EPHA6: variants seen among roughly 807,000 people sequenced by gnomAD.
EPHA6 encodes the protein EPH receptor A6.
A neutral mutation model predicts 112.0 loss-of-function variants in EPHA6; 50 were observed. The observed-to-expected ratio is 0.45, with a 90% CI of 0.36 to 0.56. The LOEUF is 0.56. Ranked by LOEUF, EPHA6 falls within the 20% of genes least tolerant of loss-of-function variation. The pLI is 0.00. For synonymous variants in EPHA6, 529 were observed against 490.7 expected (o/e 1.08, Z -1.03); for missense variants, 1,280 against 1,417.4 (o/e 0.90, Z 1.56).
chr3:97,287,234 T>G (rs1421667310), intron 5 of EPHA6, among the ~76,000 whole-genome samples: 1 of 152,150 alleles, frequency 6.6e-6, no homozygotes, highest in African/African-American at 2.4e-5. Flanking sequence ...TGACTTTAAT[T>G]TTTTTCTCTT....
At chr3:96,964,999 G>C (rs2042074180) in intron 2 of EPHA6, among the ~76,000 whole-genome samples, 1 of 152,078 alleles carries the variant, frequency 6.6e-6, no homozygotes, top group Non-Finnish European at 1.5e-5. Context: ...CTTGTGGTCA[G>C]AAAAAAATAT....
intron 2 of EPHA6, among the ~76,000 whole-genome samples, chr3:96,923,703 G>A (rs1315858744): frequency 1.3e-5 from 2 of 152,050 alleles, no homozygotes; most frequent in Non-Finnish European, 2.9e-5. Context: ...ATATTTGCTT[G>A]AGCCTGTGTC....
chr3:97,146,415 C>T (rs1177901618), intron 3 of EPHA6, among the ~76,000 whole-genome samples: 1 of 151,778 alleles, frequency 6.6e-6, no homozygotes, highest in Non-Finnish European at 1.5e-5. Flanking sequence ...TAATGTCTCC[C>T]AAACCATATC....
chr3:97,334,546 C>G (rs896798666), intron 5 of EPHA6, among the ~76,000 whole-genome samples: 6 of 145,630 alleles, frequency 4.1e-5, no homozygotes, highest in African/African-American at 1.6e-4. Context: ...ATGGCACAAT[C>G]ATAGCTCGCT....
At chr3:97,192,998 G>A (rs998263133) in intron 3 of EPHA6, among the ~76,000 whole-genome samples, 6 of 152,040 alleles carry the variant, frequency 3.9e-5, no homozygotes, top group African/African-American at 9.7e-5. Flanking sequence ...ACTGGTCTTC[G>A]TGTCTGTTTT....
chr3:97,170,974 G>A (rs947450431), intron 3 of EPHA6, among the ~76,000 whole-genome samples: 2 of 152,078 alleles, frequency 1.3e-5, no homozygotes, highest in African/African-American at 4.8e-5. Context: ...TCACTATGAA[G>A]TCAAAACATG....
intron 10 of EPHA6, among the ~76,000 whole-genome samples, chr3:97,485,885 A>G (rs894371808): frequency 4.6e-5 from 7 of 152,242 alleles, no homozygotes; most frequent in African/African-American, 1.7e-4. Context: ...ACATAGATAC[A>G]GGAGAAGCAT....
intron 6 of EPHA6, among the ~76,000 whole-genome samples, chr3:97,423,244 G>C (rs1007211081): frequency 2.0e-5 from 3 of 152,108 alleles, no homozygotes; most frequent in Non-Finnish European, 4.4e-5. Flanking sequence ...CAATTTTATA[G>C]CCAGAAAACC....
rs550094612 is a variant in EPHA6 at position 97,461,794 on chromosome 3, A to G, written c.1894+13064A>G. Reference sequence around the variant, plus strand: ...GAGTGGAATTCCCCAAGGTATGTTGACCTCCCAGGGCTTAAGCACTGGACA... The same window carrying G: ...GAGTGGAATTCCCCAAGGTATGTTGGCCTCCCAGGGCTTAAGCACTGGACA... On this transcript the variant is annotated intron_variant, in intron 7 of 17. Transcript: ENST00000389672. Among the ~76,000 whole-genome samples, 41 of 152,206 alleles carry G rather than the reference A, an allele frequency of 2.7e-4. 1 individual carries two copies. Among genetic ancestry groups the G allele is most frequent in the African/African-American group, 7.5e-4 (31 of 41,532 alleles).
chr3:97,297,582 G>T (rs1342989998), intron 5 of EPHA6, among the ~76,000 whole-genome samples: 1 of 152,056 alleles, frequency 6.6e-6, no homozygotes, highest in Non-Finnish European at 1.5e-5. Flanking sequence ...CCAGAAGGTA[G>T]AAAGTAACAA....
At chr3:97,339,131 T>A (rs2083191840) in intron 5 of EPHA6, among the ~76,000 whole-genome samples, 1 of 152,204 alleles carries the variant, frequency 6.6e-6, no homozygotes, top group South Asian at 2.1e-4. Flanking sequence ...CAGCCACTCC[T>A]AGACAAACCA....
chr3:97,504,184 C>A (rs1399571486), intron 10 of EPHA6, among the ~76,000 whole-genome samples: 2 of 152,132 alleles, frequency 1.3e-5, no homozygotes, highest in African/African-American at 4.8e-5. Context: ...TACAGTCTTG[C>A]CAATGCACCA....
intron 1 of EPHA6, among the ~76,000 whole-genome samples, chr3:96,824,400 G>A (rs1179435441): frequency 6.6e-6 from 1 of 151,518 alleles, no homozygotes; most frequent in East Asian, 1.9e-4. Context: ...TTATCTTTGG[G>A]TTTTTAAAGT....
At chr3:97,615,404 A>C (rs2093757209) in intron 13 of EPHA6, among the ~76,000 whole-genome samples, 3 of 152,126 alleles carry the variant, frequency 2.0e-5, no homozygotes, top group African/African-American at 7.2e-5. Flanking sequence ...GACTCAGGCA[A>C]GGTGAAAAGT....
At chr3:97,036,322 C>T (rs955490527) in intron 3 of EPHA6, among the ~76,000 whole-genome samples, 29 of 151,872 alleles carry the variant, frequency 1.9e-4, no homozygotes, top group African/African-American at 6.5e-4. Context: ...AAAGAGAGGA[C>T]TAAATATGAA....
At chr3:96,990,564 T>G (rs1381363058) in intron 3 of EPHA6, among the ~76,000 whole-genome samples, 8 of 152,284 alleles carry the variant, frequency 5.3e-5, no homozygotes, top group African/African-American at 1.9e-4. Context: ...ATGAAATACA[T>G]GTAAAACTAT....
intron 2 of EPHA6, among the ~76,000 whole-genome samples, chr3:96,940,064 A>T (rs918731324): frequency 4.6e-5 from 7 of 152,172 alleles, no homozygotes; most frequent in Non-Finnish European, 1.0e-4. Context: ...TGGTGCTGAA[A>T]AAAAATGTAT....
intron 14 of EPHA6, among the ~76,000 whole-genome samples, chr3:97,670,328 G>T (rs1181368977): frequency 1.3e-5 from 2 of 152,124 alleles, no homozygotes; most frequent in Non-Finnish European, 2.9e-5. Flanking sequence ...AGTCAAAATT[G>T]GGAAGAAATT....
At chr3:97,107,647 TA>T (rs1559732758) in intron 3 of EPHA6, among the ~76,000 whole-genome samples, 1 of 152,174 alleles carries the variant, frequency 6.6e-6, no homozygotes, top group Non-Finnish European at 1.5e-5. Flanking sequence ...TGCATGTTTT[TA>T]ATGTTGTTTC....
Sources: allele counts gnomAD v4.1 joint callset (sites outside exome capture counted in the v4.1 genomes callset), GRCh38; gene constraint gnomAD v4.1.1; transcripts MANE v1.5; gene names NCBI Gene and HGNC (gene_info 2026-07-23, HGNC 2026-07-21).